IGSF5: variants seen among roughly 807,000 people sequenced by gnomAD.
IGSF5 encodes immunoglobulin superfamily member 5.
IGSF5 carries 41 observed loss-of-function variants against 39.4 expected under a neutral mutation model. That is an observed-to-expected ratio of 1.04 (90% CI 0.81 to 1.35). The LOEUF is 1.35. IGSF5 is among the 40% of genes most tolerant of loss of function. The pLI is 0.00. For missense variants in IGSF5, 487 were observed against 494.6 expected (o/e 0.98, Z 0.15); for synonymous variants, 183 against 175.3 (o/e 1.04, Z -0.34).
the IGSF5 span, among the ~76,000 whole-genome samples, chr21:39,736,432 CAAACAAAACA>C: frequency 2.6e-5 from 4 of 151,754 alleles, no homozygotes; most frequent in Admixed American, 2.0e-4. Flanking sequence ...CCCAAATTAC[CAAACAAAACA>C]AAACAAAACA....
chr21:39,775,641 C>T (rs1027414428), intron 4 of IGSF5, among the ~76,000 whole-genome samples: 17 of 152,296 alleles, frequency 1.1e-4, no homozygotes, highest in African/African-American at 3.8e-4. Flanking sequence ...GAGGCCCTAA[C>T]AAGCACACAG....
intron 5 of IGSF5, among the ~76,000 whole-genome samples, chr21:39,787,442 A>G (rs146349617): frequency 2.4e-4 from 36 of 152,286 alleles, no homozygotes; most frequent in African/African-American, 7.9e-4. Flanking sequence ...TTTGGGACAA[A>G]AGGTTGGGGA....
Position 39,770,994 on chromosome 21 carries a change from C to G in IGSF5, c.497C>G (p.Ser166Ter). The G allele has an allele frequency of 6.2e-7, 1 of 1,613,564 alleles. No homozygotes were observed. The highest frequency in any genetic ancestry group is 1.3e-5 in the African/African-American group (1 of 75,024). ...CCTTGTGAAGTTACTTGTCTACCCT[C>G]ACACTGGACCCGGCTCCCGGATATT... ...NEPCEVTCLP[S>*]HWTRLPDISW... Residue 166 changes from serine (S) to a stop codon, truncating the protein, a stop_gained, in exon 4 of 9, where the codon TCA (serine) becomes TGA (stop). Coordinates refer to ENST00000380588, the MANE Select transcript of IGSF5 (RefSeq NM_001080444.2). LOFTEE classifies it high-confidence loss of function.
intron 3 of IGSF5, among the ~76,000 whole-genome samples, chr21:39,770,184 A>G (rs573096196): frequency 4.6e-5 from 7 of 152,288 alleles, no homozygotes; most frequent in East Asian, 1.9e-4. Flanking sequence ...GCCAATCCTC[A>G]GGTTGTTTTA....
chr21:39,735,720 C>T, the IGSF5 span, among the ~76,000 whole-genome samples: 3 of 152,284 alleles, frequency 2.0e-5, no homozygotes, highest in African/African-American at 7.2e-5. Flanking sequence ...CATATATATG[C>T]CATCATGGAC....
chr21:39,738,420 A>G, the IGSF5 span, among the ~76,000 whole-genome samples: 1 of 152,230 alleles, frequency 6.6e-6, no homozygotes, highest in South Asian at 2.1e-4. The surrounding 1 kb of genome is among the most constrained non-coding windows in gnomAD (Gnocchi z 6.4). Context: ...TAACGGAGCT[A>G]CAGTTCAAGA....
intron 8 of IGSF5, among the ~76,000 whole-genome samples, chr21:39,801,033 A>G (rs941364163): frequency 5.3e-5 from 8 of 152,282 alleles, no homozygotes; most frequent in Non-Finnish European, 2.9e-5. Context: ...CTTAGTCAAA[A>G]CAAATACTGA....
chr21:39,727,453 G>T, the IGSF5 span, among the ~76,000 whole-genome samples: 1 of 152,184 alleles, frequency 6.6e-6, no homozygotes, highest in Non-Finnish European at 1.5e-5. Flanking sequence ...TTCTTCTGGT[G>T]CTTCCAAGTC....
intron 2 of IGSF5, among the ~76,000 whole-genome samples, chr21:39,748,260 T>A (rs2146269441): frequency 6.8e-6 from 1 of 146,648 alleles, no homozygotes; most frequent in East Asian, 2.2e-4. Flanking sequence ...TGTCTTCACA[T>A]GACTTTTCCT....
At chr21:39,715,895 G>A in the IGSF5 span, among the ~76,000 whole-genome samples, 62 of 152,298 alleles carry the variant, frequency 4.1e-4, no homozygotes, top group African/African-American at 1.1e-3. Context: ...GTGTGTGTGG[G>A]GGGGTGGCTG....
chr21:39,789,633 A>G (rs1407146954), intron 6 of IGSF5, among the ~76,000 whole-genome samples: 1 of 152,264 alleles, frequency 6.6e-6, no homozygotes, highest in African/African-American at 2.4e-5. Context: ...TTTATTATGG[A>G]AAAAAATCAA....
chr21:39,766,492 C>T (rs1411551216), intron 3 of IGSF5, among the ~76,000 whole-genome samples: 2 of 151,998 alleles, frequency 1.3e-5, no homozygotes, highest in Non-Finnish European at 2.9e-5. Context: ...CCAGCAGAAT[C>T]CCCCCAACTT....
At chr21:39,771,670 T>C (rs2080115420) in intron 4 of IGSF5, among the ~76,000 whole-genome samples, 1 of 152,174 alleles carries the variant, frequency 6.6e-6, no homozygotes, top group Admixed American at 6.5e-5. Flanking sequence ...CCCCACCAAA[T>C]CTACAATGTG....
intron 5 of IGSF5, 73 bp from the exon 6 acceptor site, chr21:39,788,094 T>A: frequency 8.1e-7 from 1 of 1,230,600 alleles, no homozygotes; most frequent in East Asian, 2.4e-5. Flanking sequence ...AGGGAGTGTA[T>A]AAAAATTAAT....
At chr21:39,757,490 C>T (rs2080037352) in intron 2 of IGSF5, among the ~76,000 whole-genome samples, 1 of 151,990 alleles carries the variant, frequency 6.6e-6, no homozygotes, top group South Asian at 2.1e-4. Context: ...ACCAGAATCA[C>T]CTGGAGGGCT....
At chr21:39,729,844 T>C in the IGSF5 span, 1 of 152,134 alleles carries the variant, frequency 6.6e-6, no homozygotes, top group Non-Finnish European at 1.5e-5. Context: ...CTGGTTTCGA[T>C]TTTTGGAGGA....
the IGSF5 span, among the ~76,000 whole-genome samples, chr21:39,736,367 T>TA: frequency 6.6e-6 from 1 of 152,236 alleles, no homozygotes; most frequent in Non-Finnish European, 1.5e-5. Flanking sequence ...TAGCATAGGC[T>TA]AAAAATGTTA....
intron 2 of IGSF5, among the ~76,000 whole-genome samples, chr21:39,747,275 A>C (rs915746672): frequency 2.6e-5 from 4 of 152,202 alleles, no homozygotes; most frequent in African/African-American, 7.2e-5. Flanking sequence ...AAACCATCAG[A>C]ACTCATGAGA....
chr21:39,726,618 G>A, the IGSF5 span, among the ~76,000 whole-genome samples: 27 of 152,292 alleles, frequency 1.8e-4, 1 homozygote, highest in Admixed American at 1.1e-3. Context: ...TCTGTCCTAC[G>A]CTTCTAGCCC....
Sources: allele counts gnomAD v4.1 joint callset (sites outside exome capture counted in the v4.1 genomes callset), GRCh38; gene constraint gnomAD v4.1.1; non-coding constraint Gnocchi (gnomAD v3.1); transcripts MANE v1.5; gene names NCBI Gene and HGNC (gene_info 2026-07-23, HGNC 2026-07-21).